RIT2: variants seen among roughly 807,000 people sequenced by gnomAD.
RIT2 encodes GTP-binding protein Rit2.
Under a neutral mutation model 23.7 loss-of-function variants are expected in RIT2, and 24 were observed. That is an observed-to-expected ratio of 1.01 (90% confidence interval 0.73 to 1.43). RIT2 has a LOEUF of 1.43. Ranked by LOEUF, RIT2 falls within the 40% of genes most tolerant of loss-of-function variation. RIT2 has a pLI of 0.00. For synonymous variants in RIT2, 107 were observed against 91.1 expected (o/e 1.17, Z -0.99); for missense variants, 236 against 266.9 (o/e 0.88, Z 0.81).
Position 42,743,468 on chromosome 18 carries a change from C to A in RIT2, c.*25G>T, listed in dbSNP as rs186313364. ...TGTCCAACTAATAAAATTCAGAGAG[C>A]GTGAGGAACTCAAAAGCAAAGATAT... On this transcript the variant is annotated 3_prime_UTR_variant, in exon 5 of 5. Coordinates refer to ENST00000326695, the MANE Select transcript of RIT2 (RefSeq NM_002930.4). 6.7e-7 allele frequency: 1 copy of A among 1,501,108 alleles called. No homozygotes were observed. The highest frequency in any genetic ancestry group is 1.1e-5 in the South Asian group (1 of 88,542). The allele number at this position is 1,501,108 out of a possible 1,614,324, so 93.0% of individuals were successfully genotyped here.
chr18:43,099,329 T>A (rs1913628621), intron 1 of RIT2, among the ~76,000 whole-genome samples: 1 of 151,920 alleles, frequency 6.6e-6, no homozygotes, highest in Admixed American at 6.6e-5. Flanking sequence ...TATAATGATC[T>A]ATAAGCAAGT....
At chr18:42,966,484 G>T (rs1286498956) in intron 3 of RIT2, among the ~76,000 whole-genome samples, 1 of 152,042 alleles carries the variant, frequency 6.6e-6, no homozygotes, top group Non-Finnish European at 1.5e-5. Context: ...TGAAGTTTCA[G>T]CTAAAAATAT....
intron 4 of RIT2, among the ~76,000 whole-genome samples, chr18:42,912,774 A>C (rs1340299409): frequency 6.6e-6 from 1 of 151,980 alleles, no homozygotes; most frequent in African/African-American, 2.4e-5. Context: ...AAATCAAAGA[A>C]GAGCTAAATA....
intron 4 of RIT2, among the ~76,000 whole-genome samples, chr18:42,782,665 A>G (rs1385232246): frequency 6.6e-6 from 1 of 152,132 alleles, no homozygotes; most frequent in African/African-American, 2.4e-5. Context: ...TATTGTAAGA[A>G]TTCTGCAGGT....
At chr18:42,971,048 T>C (rs1216892354) in intron 3 of RIT2, among the ~76,000 whole-genome samples, 2 of 152,028 alleles carry the variant, frequency 1.3e-5, no homozygotes, top group African/African-American at 4.8e-5. Flanking sequence ...TACTTCTTTG[T>C]ATAACATTTT....
At chr18:42,870,172 C>T (rs781101364) in intron 4 of RIT2, among the ~76,000 whole-genome samples, 1 of 152,240 alleles carries the variant, frequency 6.6e-6, no homozygotes, top group Non-Finnish European at 1.5e-5. Context: ...AATCACAATA[C>T]ATCTGGTTCA....
intron 1 of RIT2, among the ~76,000 whole-genome samples, chr18:43,097,257 C>G (rs1913575435): frequency 6.6e-6 from 1 of 151,740 alleles, no homozygotes; most frequent in Non-Finnish European, 1.5e-5. Flanking sequence ...TGCTGAGGAC[C>G]AGGGAGCGAC....
intron 1 of RIT2, among the ~76,000 whole-genome samples, chr18:43,070,300 A>G (rs898235875): frequency 6.6e-6 from 1 of 152,234 alleles, no homozygotes; most frequent in Non-Finnish European, 1.5e-5. Flanking sequence ...AAGAATGTAA[A>G]GGAAAGCTAT....
chr18:42,801,980 T>C (rs762606686), intron 4 of RIT2, among the ~76,000 whole-genome samples: 71 of 152,324 alleles, frequency 4.7e-4, no homozygotes, highest in Non-Finnish European at 3.5e-4. Flanking sequence ...GGACTTTTTC[T>C]GTAACCACAC....
At chr18:42,920,615 T>C (rs1909030345) in intron 4 of RIT2, 2 of 918,354 alleles carry the variant, frequency 2.2e-6, no homozygotes, top group Admixed American at 2.3e-5. Flanking sequence ...CGTTGTCTTT[T>C]TGTTTTTTTT....
intron 4 of RIT2, among the ~76,000 whole-genome samples, chr18:42,906,490 T>C (rs530236881): frequency 3.9e-5 from 6 of 152,092 alleles, no homozygotes; most frequent in Non-Finnish European, 8.8e-5. Flanking sequence ...CCCTTCTAAT[T>C]CAAACACATT....
intron 4 of RIT2, among the ~76,000 whole-genome samples, chr18:42,856,170 C>G (rs905952397): frequency 3.9e-5 from 6 of 152,196 alleles, no homozygotes; most frequent in Non-Finnish European, 8.8e-5. Flanking sequence ...TTCTAACTTT[C>G]CCTCACCTTT....
intron 4 of RIT2, among the ~76,000 whole-genome samples, chr18:42,800,380 C>G (rs559070856): frequency 6.6e-6 from 1 of 152,280 alleles, no homozygotes; most frequent in South Asian, 2.1e-4. Flanking sequence ...CTCTAGATTT[C>G]TGTGGTACTT....
chr18:42,832,574 G>A (rs1253313894), intron 4 of RIT2, among the ~76,000 whole-genome samples: 1 of 151,784 alleles, frequency 6.6e-6, no homozygotes, highest in Admixed American at 6.6e-5. Context: ...ATATTTATGG[G>A]GTACACATAT....
chr18:43,095,004 T>A (rs986860238), intron 1 of RIT2, among the ~76,000 whole-genome samples: 2 of 152,238 alleles, frequency 1.3e-5, no homozygotes, highest in Non-Finnish European at 2.9e-5. Context: ...CTATTGTGAA[T>A]TGTGCTGCAA....
In RIT2 at chr18:42,924,123, T is replaced by A. The variant is rs548709549; in HGVS notation, c.235-360A>T. 7.9e-5 allele frequency among the ~76,000 whole-genome samples: 12 copies of A among 152,220 alleles called. No individual in the cohort carries two copies. In the East Asian group the frequency reaches 1.9e-3, roughly 25 times the overall value. On this transcript the variant is annotated intron_variant, in intron 3 of 4. Transcript: ENST00000326695. ...TCCCTATTTATTGGAACCAATTTTC[T>A]TTTCTAGAAACATTGAAGAAAAAAA...
chr18:42,749,809 C>T (rs557760757), intron 4 of RIT2, among the ~76,000 whole-genome samples: 53 of 151,878 alleles, frequency 3.5e-4, no homozygotes, highest in African/African-American at 8.9e-4. Context: ...AAATTAAATT[C>T]GTGATTAAAA....
intron 2 of RIT2, among the ~76,000 whole-genome samples, chr18:42,984,927 T>A (rs1016285606): frequency 6.9e-6 from 1 of 145,300 alleles, no homozygotes; most frequent in Non-Finnish European, 1.5e-5. Flanking sequence ...GATTCATACA[T>A]GCTTAGTTCT....
At chr18:42,827,812 T>C (rs1443794156) in intron 4 of RIT2, among the ~76,000 whole-genome samples, 1 of 151,782 alleles carries the variant, frequency 6.6e-6, no homozygotes, top group Non-Finnish European at 1.5e-5. Flanking sequence ...AAGACCATCC[T>C]GGCTAACACG....
Sources: gnomAD v4.1 joint callset for allele counts (sites outside exome capture counted in the v4.1 genomes callset) on GRCh38, gnomAD v4.1.1 for gene constraint, MANE v1.5 for transcripts, NCBI Gene and HGNC (gene_info 2026-07-23, HGNC 2026-07-21) for gene names.